The following TEK variants were observed in gnomAD, a reference collection of about 807,000 sequenced individuals.
TEK encodes the protein TEK receptor tyrosine kinase, also known as angiopoietin-1 receptor.
Under a neutral mutation model 131.8 loss-of-function variants are expected in TEK, and 43 were observed. That is an observed-to-expected ratio of 0.33 (90% CI 0.26 to 0.42). The LOEUF (loss-of-function observed/expected upper bound fraction) is 0.42. TEK is among the 10% of genes least tolerant of loss of function. TEK has a pLI of 1.00. For missense variants in TEK, 1,162 were observed against 1,384.4 expected, an observed-to-expected ratio of 0.84 and a Z score of 2.55; for synonymous variants, 580 against 491.6, an observed-to-expected ratio of 1.18 and a Z score of -2.38.
At chr9:27,146,758 C>T (rs1393020673) in intron 1 of TEK, among the ~76,000 whole-genome samples, 5 of 125,414 alleles carry the variant, frequency 4.0e-5, no homozygotes, top group African/African-American at 1.6e-4. Context: ...GGGACGGAGT[C>T]TTGCTCTGTC....
chr9:27,116,032 G>C (rs1374519630), intron 1 of TEK, among the ~76,000 whole-genome samples: 2 of 152,198 alleles, frequency 1.3e-5, no homozygotes. Context: ...ACCATAGGCT[G>C]GGACCAAGTT....
In TEK at chr9:27,206,566, ATAAT is replaced by A; in HGVS notation, c.2365-13_2365-10del. 6.2e-7 allele frequency: 1 copy of A among 1,610,134 alleles called. No homozygotes were observed. The highest frequency in any genetic ancestry group is 1.1e-5 in the South Asian group (1 of 90,278). ...AAAAATCCTGACACAAAATGATGAA[ATAAT>A]TATTTTTCCAGAGGGAAGAACCAGC... is the stretch of plus-strand genomic sequence containing the variant. On this transcript the variant is annotated splice_polypyrimidine_tract_variant and intron_variant, in intron 14 of 22. Transcript: ENST00000380036.
chr9:27,170,845 A>G (rs1823928222), intron 4 of TEK, among the ~76,000 whole-genome samples: 1 of 152,196 alleles, frequency 6.6e-6, no homozygotes, highest in Admixed American at 6.5e-5. Context: ...AGTGAGCTAT[A>G]GACAAGGGTG....
At chr9:27,207,451 G>C (rs755007778) in intron 15 of TEK, among the ~76,000 whole-genome samples, 1 of 152,172 alleles carries the variant, frequency 6.6e-6, no homozygotes, top group Non-Finnish European at 1.5e-5. Flanking sequence ...CTGACTTAAG[G>C]TCATAAGAAC....
At chr9:27,138,931 T>C (rs7040772) in intron 1 of TEK, among the ~76,000 whole-genome samples, 78,635 of 151,566 alleles carry the variant, frequency 0.52, 21,370 homozygotes, top group African/African-American at 0.57. Flanking sequence ...GATTCTTAGA[T>C]GGGCACGGTG....
chr9:27,209,941 T>A (rs1237713362), intron 16 of TEK, among the ~76,000 whole-genome samples: 1 of 152,226 alleles, frequency 6.6e-6, no homozygotes, highest in Non-Finnish European at 1.5e-5. Flanking sequence ...TCTGAATCTC[T>A]GCTTAAACTT....
intron 1 of TEK, among the ~76,000 whole-genome samples, chr9:27,119,621 C>T (rs1234696296): frequency 8.2e-6 from 1 of 121,416 alleles, no homozygotes; most frequent in African/African-American, 3.1e-5. Flanking sequence ...GGTGGAGAGT[C>T]GGGTGGGGAG....
At chr9:27,132,829 T>C (rs2131065136) in intron 1 of TEK, among the ~76,000 whole-genome samples, 1 of 152,280 alleles carries the variant, frequency 6.6e-6, no homozygotes, top group South Asian at 2.1e-4. Context: ...ACAAGAAATC[T>C]ATATCTATAG....
At chr9:27,115,441 G>A (rs193037177) in intron 1 of TEK, among the ~76,000 whole-genome samples, 1 of 152,274 alleles carries the variant, frequency 6.6e-6, no homozygotes, top group Non-Finnish European at 1.5e-5. Flanking sequence ...CAAGGCTGCA[G>A]TGAGCCATGA....
intron 10 of TEK, chr9:27,191,894 T>G (rs1824837199): frequency 2.2e-6 from 1 of 451,560 alleles, no homozygotes; most frequent in Non-Finnish European, 4.4e-6. Context: ...AAGTAGGAAT[T>G]TATCATATGA....
chr9:27,155,009 C>T (rs890455755), intron 1 of TEK, among the ~76,000 whole-genome samples: 1 of 152,236 alleles, frequency 6.6e-6, no homozygotes, highest in Non-Finnish European at 1.5e-5. Flanking sequence ...ACGGCCACTG[C>T]CACCGCTGGG....
chr9:27,122,063 C>T (rs560155073), intron 1 of TEK, among the ~76,000 whole-genome samples: 30 of 152,134 alleles, frequency 2.0e-4, no homozygotes, highest in Admixed American at 3.3e-4. Flanking sequence ...GGCTTCCTCA[C>T]AAAAGGCCCA....
chr9:27,110,008 C>T (rs1473946825), intron 1 of TEK, among the ~76,000 whole-genome samples: 1 of 151,628 alleles, frequency 6.6e-6, no homozygotes, highest in East Asian at 1.9e-4. Flanking sequence ...GTTTTACCTG[C>T]TTTAAAGAAA....
chr9:27,154,462 A>G (rs1471791512), intron 1 of TEK, among the ~76,000 whole-genome samples: 5 of 152,170 alleles, frequency 3.3e-5, no homozygotes, highest in Non-Finnish European at 7.3e-5. Context: ...ATAATAGTCA[A>G]ATTGTTCAAA....
At chr9:27,173,942 T>A (rs1824067669) in intron 6 of TEK, among the ~76,000 whole-genome samples, 1 of 120,080 alleles carries the variant, frequency 8.3e-6, no homozygotes. Flanking sequence ...AAAAAAAAAA[T>A]CAAAATCAGA....
chr9:27,227,070 A>T (rs768791315), intron 21 of TEK, among the ~76,000 whole-genome samples: 1 of 152,154 alleles, frequency 6.6e-6, no homozygotes, highest in African/African-American at 2.4e-5. Flanking sequence ...AGGGGTGAGA[A>T]GATTTTTTAG....
intron 1 of TEK, among the ~76,000 whole-genome samples, chr9:27,111,433 T>A (rs1327364521): frequency 6.6e-6 from 1 of 152,094 alleles, no homozygotes; most frequent in East Asian, 1.9e-4. Context: ...GTCAAACTCC[T>A]GGTAGACTAA....
chr9:27,201,389 A>G (rs924458838), intron 12 of TEK, among the ~76,000 whole-genome samples: 3 of 152,226 alleles, frequency 2.0e-5, no homozygotes, highest in African/African-American at 4.8e-5. Flanking sequence ...TTTGAGCCAC[A>G]ACTATACAAA....
Position 27,204,933 on chromosome 9 carries a change from G to T in TEK, c.2232G>T (p.Gly744=), listed in dbSNP as rs755057652. The T allele has an allele frequency of 3.1e-6, 5 of 1,614,000 alleles. No individual in the cohort carries two copies. Among genetic ancestry groups the T allele is most frequent in the Middle Eastern group, 1.7e-4 (1 of 6,056 alleles). The change falls in exon 14 of 23, where the codon GGG becomes GGT. Residue 744 remains glycine (G), a synonymous_variant. Transcript: ENST00000380036. ...CAGCACCAGCGGACCTCGGAGGGGG[G>T]AAGATGCTGCTTATAGCCATCCTTG... ...ESQAPADLGG[G]KMLLIAILGS...
Sources: allele counts gnomAD v4.1 joint callset (sites outside exome capture counted in the v4.1 genomes callset), GRCh38; gene constraint gnomAD v4.1.1; transcripts MANE v1.5; gene names NCBI Gene and HGNC (gene_info 2026-07-23, HGNC 2026-07-21).